The following CHST15 variants were observed in gnomAD, a reference collection of about 807,000 sequenced individuals.
CHST15 encodes B cell RAG associated protein (GALNAC4S-6ST).
In CHST15, 30 loss-of-function variants were observed where a neutral mutation model predicts 53.6. The ratio of observed to expected loss-of-function variants is 0.56; its 90% CI spans 0.42 to 0.76. The LOEUF (loss-of-function observed/expected upper bound fraction) is 0.76, where lower values mean the gene tolerates loss of function less well. CHST15 is among the 30% of genes least tolerant of loss of function. The pLI is 0.00. For synonymous variants in CHST15, 296 were observed against 289.8 expected, an observed-to-expected ratio of 1.02 and a Z score of -0.22; for missense variants, 627 against 740.5, an observed-to-expected ratio of 0.85 and a Z score of 1.78.
chr10:124,020,937 T>TGTCCTC, intron 6 of CHST15: 1 of 1,382,984 alleles, frequency 7.2e-7, no homozygotes, highest in Non-Finnish European at 9.3e-7. Context: ...GAGAGTTGGG[T>TGTCCTC]GTCCTCATGT....
chr10:124,085,669 G>A (rs1422213330), intron 1 of CHST15, among the ~76,000 whole-genome samples: 1 of 152,218 alleles, frequency 6.6e-6, no homozygotes, highest in Non-Finnish European at 1.5e-5. Context: ...ATCAGGCTGG[G>A]AGAGCAGACT....
At chr10:124,015,901 G>C (rs1180546973) in intron 6 of CHST15, among the ~76,000 whole-genome samples, 1 of 152,236 alleles carries the variant, frequency 6.6e-6, no homozygotes, top group African/African-American at 2.4e-5. Context: ...ACCCCAGAGG[G>C]CACGAAGGAG....
intron 1 of CHST15, among the ~76,000 whole-genome samples, chr10:124,063,898 G>A (rs912981321): frequency 3.9e-5 from 6 of 152,184 alleles, no homozygotes; most frequent in South Asian, 2.1e-4. Context: ...GCAATACAGC[G>A]TATGAATCAG....
intron 5 of CHST15, among the ~76,000 whole-genome samples, chr10:124,027,819 A>G (rs1947070426): frequency 6.6e-6 from 1 of 152,166 alleles, no homozygotes; most frequent in South Asian, 2.1e-4. Context: ...CAGGGCTGGG[A>G]CCCAAACAAA....
At chr10:124,011,059 G>A in intron 7 of CHST15, 1 of 983,404 alleles carries the variant, frequency 1.0e-6, no homozygotes, top group Non-Finnish European at 1.2e-6. Flanking sequence ...GAGAGGCCCT[G>A]GAAAAGGCCG....
At chr10:124,048,979 G>A (rs1174031999) in intron 1 of CHST15, among the ~76,000 whole-genome samples, 2 of 152,156 alleles carry the variant, frequency 1.3e-5, no homozygotes, top group African/African-American at 4.8e-5. Flanking sequence ...TGTCTGCGGG[G>A]CAGCTGCCCC....
At chr10:124,092,682 G>C (rs879201444) in intron 1 of CHST15, among the ~76,000 whole-genome samples, 1 of 151,874 alleles carries the variant, frequency 6.6e-6, no homozygotes, top group Non-Finnish European at 1.5e-5. Context: ...GCTCGCAACC[G>C]GGGAGAGAGT....
chr10:124,021,071 C>A, intron 6 of CHST15, 185 bp downstream of exon 6: 1 of 1,464,366 alleles, frequency 6.8e-7, no homozygotes, highest in Non-Finnish European at 9.0e-7. Context: ...AGGAGCCAGA[C>A]CAAGAGCCCA....
chr10:124,077,503 A>G (rs1949115473), intron 1 of CHST15, among the ~76,000 whole-genome samples: 1 of 152,072 alleles, frequency 6.6e-6, no homozygotes, highest in Non-Finnish European at 1.5e-5. Context: ...CGAGGCTTAC[A>G]CTCTTTCAGC....
At chr10:124,059,538 G>A (rs1015534343) in intron 1 of CHST15, among the ~76,000 whole-genome samples, 1 of 152,208 alleles carries the variant, frequency 6.6e-6, no homozygotes, top group African/African-American at 2.4e-5. Flanking sequence ...ACTTTGACCT[G>A]ACTTCACGAA....
rs576362052 is a variant in CHST15 at position 124,074,417 on chromosome 10, C to T, written c.-513+19052G>A. ...GCACAATTCAGGTGGCAGGTAGGGG[C>T]GGGGGCCTAGTTGGGAGCATCGCCC... is the stretch of plus-strand genomic sequence containing the variant. On this transcript the variant is annotated intron_variant, in intron 1 of 7. Coordinates refer to ENST00000435907, the MANE Select transcript of CHST15 (RefSeq NM_001270764.2). This position sits in a 1 kb window ranked among gnomAD's most constrained non-coding sequence, Gnocchi z 4.4. Among the ~76,000 whole-genome samples, 41 of 152,108 alleles carry T rather than the reference C, an allele frequency of 2.7e-4. No individual in the cohort carries two copies. Among genetic ancestry groups the T allele is most frequent in the African/African-American group, 9.4e-4 (39 of 41,420 alleles).
intron 1 of CHST15, among the ~76,000 whole-genome samples, chr10:124,093,092 C>T (rs909134888): frequency 2.6e-5 from 4 of 152,308 alleles, no homozygotes; most frequent in African/African-American, 9.6e-5. Flanking sequence ...GCGGGGTCCT[C>T]AAGCGCGCAG....
intron 6 of CHST15, among the ~76,000 whole-genome samples, chr10:124,012,691 A>G (rs1946454679): frequency 6.6e-6 from 1 of 152,190 alleles, no homozygotes; most frequent in South Asian, 2.1e-4. Flanking sequence ...TAGGGGTTGC[A>G]TTTCATCCTC....
rs377640808 is a variant in CHST15, at chr10:124,010,165, G to A, written c.1670C>T (p.Ala557Val). 50 of 1,612,940 alleles carry A rather than the reference G, an allele frequency of 3.1e-5. No individual in the cohort carries two copies. Among genetic ancestry groups the A allele is most frequent in the African/African-American group, 1.6e-4 (12 of 75,004 alleles). Residue 557 changes from alanine to valine, a missense_variant, in exon 8 of 8, where the codon GCG (alanine) becomes GTG (valine). Transcript: ENST00000435907. ...LAQVLADEAF[A>V]WKTT is the part of the protein sequence containing the mutation. ...ATTCAGCTCTCACGTCGTCTTCCAC[G>A]CAAACGCCTCATCCGCGAGGACCTG...
At chr10:124,018,200 C>T (rs942055371) in intron 6 of CHST15, among the ~76,000 whole-genome samples, 2 of 152,232 alleles carry the variant, frequency 1.3e-5, no homozygotes, top group African/African-American at 4.8e-5. Context: ...CACCCCCTGA[C>T]CCTCAGGGGA....
chr10:124,080,216 A>G (rs1203097412), intron 1 of CHST15, among the ~76,000 whole-genome samples: 1 of 152,292 alleles, frequency 6.6e-6, no homozygotes, highest in Non-Finnish European at 1.5e-5. Context: ...AAGAGAAGAA[A>G]ATCAACCCAG....
At chr10:124,046,888 G>A (rs1157690110) in intron 1 of CHST15, among the ~76,000 whole-genome samples, 164 bp from the exon 2 acceptor site, 2 of 152,186 alleles carry the variant, frequency 1.3e-5, no homozygotes, top group African/African-American at 2.4e-5. Flanking sequence ...CATAAAGGAA[G>A]AGGTTTCAGG....
rs531373347 is a variant in CHST15, at chr10:124,014,721, CAGG to C, written c.1348-2244_1348-2242del. ...CTTTTCCAGAGGACGTGCCTTTCAA[CAGG>C]AGAACTTTCCAGAAGGAAAGCAGCC... On this transcript the variant is annotated intron_variant, in intron 6 of 7. Transcript: ENST00000435907. Among the ~76,000 whole-genome samples, 230 of 152,332 alleles carry C rather than the reference CAGG, an allele frequency of 1.5e-3. 2 individuals are homozygous for C. Among genetic ancestry groups the C allele is most frequent in the African/African-American group, 5.4e-3 (224 of 41,570 alleles).
At chr10:124,016,019 G>A (rs1946574375) in intron 6 of CHST15, among the ~76,000 whole-genome samples, 1 of 152,196 alleles carries the variant, frequency 6.6e-6, no homozygotes, top group African/African-American at 2.4e-5. Flanking sequence ...TGATTCAGGA[G>A]GTCTGGGACT....
Sources: allele counts gnomAD v4.1 joint callset (sites outside exome capture counted in the v4.1 genomes callset), GRCh38; gene constraint gnomAD v4.1.1; non-coding constraint Gnocchi (gnomAD v3.1); transcripts MANE v1.5; gene names NCBI Gene and HGNC (gene_info 2026-07-23, HGNC 2026-07-21).